Variants in FAM156A observed in about 807,000 individuals in gnomAD.
FAM156A encodes the protein family with sequence similarity 156 member A.
At chrX:52,983,057 G>A (rs1556793712) in intron 1 of FAM156A, among the ~76,000 whole-genome samples, 1 of 112,527 alleles carries the variant, frequency 8.9e-6, no homozygotes, top group African/African-American at 3.2e-5. Context: ...TTAAAGACCA[G>A]CCTAGACAAC....
At chrX:52,988,760 T>C (rs957432376) in intron 1 of FAM156A, among the ~76,000 whole-genome samples, 5 of 112,493 alleles carry the variant, frequency 4.4e-5, no homozygotes, top group East Asian at 5.6e-4. Context: ...CCTAATGTTA[T>C]GTCTCTGTAT....
At chrX:52,990,911 G>A (rs1486188031) in intron 1 of FAM156A, among the ~76,000 whole-genome samples, 2 of 111,562 alleles carry the variant, frequency 1.8e-5, no homozygotes, top group Non-Finnish European at 3.8e-5. Context: ...GAAGGCCTCG[G>A]CAAAGGACTG....
chrX:52,980,782 CTG>C (rs1156303085), intron 1 of FAM156A, among the ~76,000 whole-genome samples: 2,918 of 38,376 alleles, frequency 0.076, 130 homozygotes, highest in East Asian at 0.086. Flanking sequence ...TAGGGTTCCT[CTG>C]TGTGTGTGTG....
At chrX:52,993,400 TTAAC>T (rs1422686510) in intron 1 of FAM156A, among the ~76,000 whole-genome samples, 3 of 92,118 alleles carry the variant, frequency 3.3e-5, no homozygotes, top group East Asian at 3.7e-4. Context: ...TGACCCTGTC[TTAAC>T]TTTCTTTTTT....
intron 1 of FAM156A, among the ~76,000 whole-genome samples, chrX:52,977,565 T>C (rs1556792619): frequency 9.0e-6 from 1 of 111,058 alleles, no homozygotes; most frequent in African/African-American, 3.3e-5. Flanking sequence ...GACCCCTGAG[T>C]AGCTGGGAAT....
In FAM156A at chrX:52,993,743, C is replaced by G. The variant is rs191655291; in HGVS notation, c.-434+1563G>C. On this transcript the variant is annotated intron_variant, in intron 1 of 4. Coordinates refer to the FAM156A transcript ENST00000610625. ...TCTTAACTTTCTACGTAGCACTTACCACACTGTGATGTGCTATATATTTAC... is the reference window on the plus strand; with the variant it reads ...TCTTAACTTTCTACGTAGCACTTACGACACTGTGATGTGCTATATATTTAC... 4.1e-3 allele frequency among the ~76,000 whole-genome samples: 459 copies of G among 111,589 alleles called. 2 individuals carry two copies. The highest frequency in any genetic ancestry group is 0.014 in the African/African-American group (439 of 30,676).
intron 1 of FAM156A, among the ~76,000 whole-genome samples, chrX:52,986,511 T>C (rs1556794456): frequency 2.7e-5 from 3 of 110,913 alleles, no homozygotes; most frequent in Non-Finnish European, 5.7e-5. Context: ...GGGATTTATC[T>C]TGGGAATGCA....
intron 1 of FAM156A, among the ~76,000 whole-genome samples, chrX:52,977,101 C>G (rs1332360981): frequency 3.1e-5 from 3 of 97,304 alleles, no homozygotes; most frequent in Non-Finnish European, 6.3e-5. Context: ...CACACACACA[C>G]ACACATATAT....
At chrX:52,976,067 G>T (rs781782953) in intron 1 of FAM156A, among the ~76,000 whole-genome samples, 2 of 111,090 alleles carry the variant, frequency 1.8e-5, no homozygotes, top group South Asian at 7.6e-4. Context: ...TCACTGACTG[G>T]TTTGCCTCCT....
intron 1 of FAM156A, among the ~76,000 whole-genome samples, chrX:52,973,263 C>CAA (rs1222400775): frequency 9.6e-6 from 1 of 104,018 alleles, no homozygotes; most frequent in African/African-American, 3.5e-5. Context: ...ATAGCTGCTG[C>CAA]AAAAAAAAAG....
intron 1 of FAM156A, among the ~76,000 whole-genome samples, chrX:52,987,483 A>G (rs1188585243): frequency 9.1e-6 from 1 of 109,876 alleles, no homozygotes; most frequent in Non-Finnish European, 1.9e-5. Context: ...GTGAGACCCC[A>G]TCTCTGCAAA....
At chrX:52,990,155 G>A (rs781954393) in intron 1 of FAM156A, among the ~76,000 whole-genome samples, 1 of 110,585 alleles carries the variant, frequency 9.0e-6, no homozygotes, top group Non-Finnish European at 1.9e-5. Context: ...ACCCCACCAG[G>A]AGTGAATGTT....
At chrX:52,992,603 CTTT>C (rs371397834) in intron 1 of FAM156A, among the ~76,000 whole-genome samples, 7 of 95,932 alleles carry the variant, frequency 7.3e-5, no homozygotes, top group Non-Finnish European at 1.1e-4. Context: ...ACTTGTGAGT[CTTT>C]TTTTTTTTTT....
At chrX:52,985,182 T>A (rs1317617287) in intron 1 of FAM156A, among the ~76,000 whole-genome samples, 3 of 108,688 alleles carry the variant, frequency 2.8e-5, no homozygotes, top group Non-Finnish European at 5.7e-5. Context: ...GTAAAATAAT[T>A]GAAATCATAC....
intron 1 of FAM156A, among the ~76,000 whole-genome samples, chrX:52,993,500 C>T (rs1556796046): frequency 9.4e-6 from 1 of 106,635 alleles, no homozygotes; most frequent in African/African-American, 3.5e-5. Context: ...CTGCAAACTC[C>T]GCCTCCCGGG....
chrX:52,989,997 GAGA>G (rs781849250), intron 1 of FAM156A, among the ~76,000 whole-genome samples: 2 of 111,655 alleles, frequency 1.8e-5, no homozygotes, highest in Non-Finnish European at 3.8e-5. Context: ...CTGGTACAAG[GAGA>G]AGAAGTAGGA....
chrX:52,994,366 C>G (rs1334378690), intron 1 of FAM156A, among the ~76,000 whole-genome samples: 1 of 110,442 alleles, frequency 9.1e-6, no homozygotes, highest in Non-Finnish European at 1.9e-5. Context: ...GAGACCCCCC[C>G]CAAACCACTC....
chrX:52,989,033 A>C (rs941075759), intron 1 of FAM156A, among the ~76,000 whole-genome samples: 8 of 112,486 alleles, frequency 7.1e-5, no homozygotes, highest in Admixed American at 9.4e-5. Context: ...GATGGCATAT[A>C]ATCCAAATCA....
intron 1 of FAM156A, among the ~76,000 whole-genome samples, chrX:52,987,505 C>G (rs1016901829): frequency 1.8e-5 from 2 of 110,058 alleles, no homozygotes; most frequent in Non-Finnish European, 3.8e-5. Context: ...AATAAGAAAA[C>G]TTAGCCGAGT....
Sources: gnomAD v4.1 joint callset for allele counts (sites outside exome capture counted in the v4.1 genomes callset) on GRCh38, gnomAD v4.1.1 for gene constraint, MANE v1.5 for transcripts, NCBI Gene and HGNC (gene_info 2026-07-23, HGNC 2026-07-21) for gene names.